The following ART1 variants were observed in gnomAD, a reference collection of about 807,000 sequenced individuals.
The protein encoded by ART1 is GPI-linked NAD(P)(+)--arginine ADP-ribosyltransferase 1.
ART1 carries 29 observed loss-of-function variants against 27.0 expected under a neutral mutation model. That is an observed-to-expected ratio of 1.08 (90% CI 0.80 to 1.47). The LOEUF is 1.47. Among genes scored for constraint, ART1 ranks in the 40% most tolerant of loss-of-function variants. The probability of loss-of-function intolerance (pLI) is 0.00; values close to 1 mark genes in which losing one functional copy is unlikely to be tolerated. For missense variants in ART1, 480 were observed against 423.0 expected, an observed-to-expected ratio of 1.13 and a Z score of -1.18; for synonymous variants, 201 against 172.2, an observed-to-expected ratio of 1.17 and a Z score of -1.31.
In ART1 at chr11:3,653,793, CTG is replaced by C. The variant is rs879347849; in HGVS notation, c.-52-5367_-52-5366del. 4.1e-3 allele frequency among the ~76,000 whole-genome samples: 611 copies of C among 150,774 alleles called. 27 individuals carry two copies. The highest frequency in any genetic ancestry group is 0.013 in the South Asian group (63 of 4,710). On this transcript the variant is annotated intron_variant, in intron 1 of 4. Coordinates refer to ENST00000250693, the MANE Select transcript of ART1 (RefSeq NM_004314.3). ...GTCTTGTAAATTCCACCTCCTACCT[CTG>C]TCTATCCTCACTGCCATTCTCCCAT...
At chr11:3,655,628 A>G (rs895347003) in intron 1 of ART1, 1 of 152,240 alleles carries the variant, frequency 6.6e-6, no homozygotes, top group African/African-American at 2.4e-5. Flanking sequence ...GTCTCCGGGA[A>G]TATGGGCTGA....
At chr11:3,651,072 A>G (rs1020045273) in intron 1 of ART1, among the ~76,000 whole-genome samples, 3 of 152,256 alleles carry the variant, frequency 2.0e-5, no homozygotes, top group South Asian at 2.1e-4. Flanking sequence ...AGGTTAGTTC[A>G]GAATCCGCGC....
At chr11:3,661,232 C>A in intron 3 of ART1, 140 bp from the exon 4 acceptor site, 2 of 699,044 alleles carry the variant, frequency 2.9e-6, no homozygotes, top group Non-Finnish European at 4.6e-6. Flanking sequence ...AAGGGAGGTT[C>A]CACCATGAAA....
In ART1 at chr11:3,659,885, A is replaced by C; in HGVS notation, c.366A>C (p.Thr122=). 1 of 1,612,532 alleles carries C rather than the reference A, an allele frequency of 6.2e-7. No individual in the cohort carries two copies. Among genetic ancestry groups the C allele is most frequent in the Non-Finnish European group, 8.5e-7 (1 of 1,179,398 alleles). ...ATGGGGTGGCCCTCCTGGCCTACACAGCCAACAGCCCCCTGCACAAGGAGT... is the reference window on the plus strand; with the variant it reads ...ATGGGGTGGCCCTCCTGGCCTACACCGCCAACAGCCCCCTGCACAAGGAGT... ...DEHGVALLAY[T]ANSPLHKEFN... Residue 122 remains threonine (T), a synonymous_variant, in exon 3 of 5, where the codon ACA becomes ACC. Coordinates refer to ENST00000250693, the MANE Select transcript of ART1 (RefSeq NM_004314.3).
At chr11:3,651,546 C>A (rs59558406) in intron 1 of ART1, among the ~76,000 whole-genome samples, 15,150 of 136,428 alleles carry the variant, frequency 0.11, 1,142 homozygotes, top group African/African-American at 0.18. Flanking sequence ...AAACAACTTG[C>A]CCTTACGTTT....
chr11:3,656,666 AT>A (rs1317986581), intron 1 of ART1, among the ~76,000 whole-genome samples: 7 of 151,772 alleles, frequency 4.6e-5, no homozygotes, highest in Middle Eastern at 3.4e-3. Context: ...GTATTTTTTT[AT>A]TTTTAGTAGC....
chr11:3,656,076 G>A (rs2077572491), intron 1 of ART1, among the ~76,000 whole-genome samples: 1 of 151,928 alleles, frequency 6.6e-6, no homozygotes, highest in Admixed American at 6.6e-5. Context: ...GGGATTACAA[G>A]CGCACAACAC....
intron 1 of ART1, among the ~76,000 whole-genome samples, chr11:3,650,472 C>T (rs557349959): frequency 6.6e-6 from 1 of 152,320 alleles, no homozygotes; most frequent in East Asian, 1.9e-4. Context: ...CTTTGAGTAA[C>T]TCTCACAGTG....
intron 1 of ART1, among the ~76,000 whole-genome samples, chr11:3,647,858 C>G (rs1200691682): frequency 6.7e-6 from 1 of 150,182 alleles, no homozygotes; most frequent in Non-Finnish European, 1.5e-5. Context: ...TAAAGTTGCA[C>G]AGGGCTGTGC....
At chr11:3,662,090 G>A (rs1259731362) in intron 4 of ART1, among the ~76,000 whole-genome samples, 1 of 152,238 alleles carries the variant, frequency 6.6e-6, no homozygotes, top group African/African-American at 2.4e-5. Flanking sequence ...AGAACCCACT[G>A]TCTCTGTTAC....
In ART1 at chr11:3,659,821, C is replaced by T. The variant is rs61998205; in HGVS notation, c.302C>T (p.Thr101Ile). 5.1e-5 allele frequency: 83 copies of T among 1,611,826 alleles called. No homozygotes were observed. The African/African-American group carries it at 7.1e-4, about 14-fold the overall frequency. The change falls in exon 3 of 5, where the codon ACC becomes ATC. Residue 101 changes from threonine to isoleucine, a missense_variant. Physicochemically the swap from Thr to Ile is moderately conservative, Grantham distance 89 (BLOSUM62 -1). Coordinates refer to ENST00000250693, the MANE Select transcript of ART1 (RefSeq NM_004314.3). ...TGGCCAGAGTGGAGTCTCAGCCCCA[C>T]CCGTCCATCCCCGCCACCCCTGGGC... ...ARWPEWSLSPTRPSPPPLGFR... is the reference protein window; with the variant it reads ...ARWPEWSLSPIRPSPPPLGFR...
chr11:3,659,524 AG>A, intron 2 of ART1, 58 bp from the exon 3 acceptor site: 1 of 1,517,318 alleles, frequency 6.6e-7, no homozygotes, highest in Non-Finnish European at 8.8e-7. Flanking sequence ...GCTGGATGGC[AG>A]GGGACTCATT....
At chr11:3,659,405 G>C in intron 2 of ART1, 129 bp downstream of exon 2, 1 of 1,429,002 alleles carries the variant, frequency 7.0e-7, no homozygotes, top group Admixed American at 1.8e-5. Context: ...TCAGCCCAAG[G>C]GGACAGCTCC....
At chr11:3,655,707 G>C (rs867581896) in intron 1 of ART1, 2 of 152,160 alleles carry the variant, frequency 1.3e-5, no homozygotes, top group African/African-American at 4.8e-5. Flanking sequence ...GAAGGCCTCT[G>C]ATTGGCCTTC....
In ART1 at chr11:3,659,670, G is replaced by T. The variant is rs368360706; in HGVS notation, c.151G>T (p.Ala51Ser). Residue 51 changes from alanine (A) to serine (S), a missense_variant, in exon 3 of 5, where the codon GCT (alanine) becomes TCT (serine). Ala to Ser is a moderately conservative substitution (Grantham distance 99, BLOSUM62 1). Coordinates refer to ENST00000250693, the MANE Select transcript of ART1 (RefSeq NM_004314.3). ...MALASFDDQY[A>S]GCAAAMTAAL... The stretch of plus-strand genomic sequence containing the variant: ...CCTGGCCTCCTTTGATGACCAGTAC[G>T]CTGGCTGTGCTGCTGCCATGACAGC... The T allele has an allele frequency of 2.5e-6, 4 of 1,613,710 alleles. No individual in the cohort carries two copies. Among genetic ancestry groups the T allele is most frequent in the Non-Finnish European group, 3.4e-6 (4 of 1,180,022 alleles).
intron 1 of ART1, 83 bp from the exon 2 acceptor site, chr11:3,659,079 C>T: frequency 1.2e-6 from 1 of 801,972 alleles, no homozygotes; most frequent in Non-Finnish European, 2.0e-6. Context: ...TTATGACTCT[C>T]AGTGCCAAGC....
intron 4 of ART1, among the ~76,000 whole-genome samples, chr11:3,661,823 A>G: frequency 6.6e-6 from 1 of 152,144 alleles, no homozygotes; most frequent in Non-Finnish European, 1.5e-5. Flanking sequence ...TAAGGAAACA[A>G]CTGCATTAAT....
intron 1 of ART1, 129 bp from the exon 2 acceptor site, chr11:3,659,033 G>A: frequency 1.6e-6 from 1 of 611,012 alleles, no homozygotes; most frequent in Non-Finnish European, 2.9e-6. Flanking sequence ...CTTTCAGCAA[G>A]AAGGGTCCTC....
chr11:3,659,185 G>C lies in ART1; in HGVS notation c.-29G>C, dbSNP rs1157151237. 7.4e-6 allele frequency: 12 copies of C among 1,612,916 alleles called. No individual in the cohort carries two copies. The highest frequency in any genetic ancestry group is 9.3e-6 in the Non-Finnish European group (11 of 1,179,114). ...AGATGAGGAAACTGAGACCCAAAAA[G>C]AGACAGCAACTGGCCCAGGGTCACC... On this transcript the variant is annotated 5_prime_UTR_variant, in exon 2 of 5. Coordinates refer to ENST00000250693, the MANE Select transcript of ART1 (RefSeq NM_004314.3).
Sources: gnomAD v4.1 joint callset for allele counts (sites outside exome capture counted in the v4.1 genomes callset) on GRCh38, gnomAD v4.1.1 for gene constraint, MANE v1.5 for transcripts, NCBI Gene and HGNC (gene_info 2026-07-23, HGNC 2026-07-21) for gene names.